The following APPBP2 variants were observed in gnomAD, a reference collection of about 807,000 sequenced individuals.
APPBP2 encodes amyloid protein-binding protein 2.
Under a neutral mutation model 76.0 loss-of-function variants are expected in APPBP2, and 15 were observed. The observed-to-expected ratio is 0.20, with a 90% CI of 0.13 to 0.30. The LOEUF (loss-of-function observed/expected upper bound fraction) is 0.30, where lower values mean the gene tolerates loss of function less well. APPBP2 is among the 10% of genes least tolerant of loss of function. The probability of loss-of-function intolerance (pLI) is 1.00; values close to 1 mark genes in which losing one functional copy is unlikely to be tolerated. For synonymous variants in APPBP2, 222 were observed against 242.2 expected, an observed-to-expected ratio of 0.92 and a Z score of 0.77; for missense variants, 401 against 687.2, an observed-to-expected ratio of 0.58 and a Z score of 4.66.
chr17:60,461,629 T>A (rs1325113456), intron 8 of APPBP2, 181 bp downstream of exon 8: 4 of 478,476 alleles, frequency 8.4e-6, no homozygotes, highest in African/African-American at 8.0e-5. Context: ...TTTTCTTTAA[T>A]TCCCAAAGCA....
chr17:60,477,334 A>G (rs1013191294), intron 4 of APPBP2: 1 of 152,234 alleles, frequency 6.6e-6, no homozygotes, highest in Non-Finnish European at 1.5e-5. Context: ...TAAAAAAATA[A>G]AGCACATACA....
At chr17:60,492,370 GCCACTGTGCT>G (rs1244007024) in intron 3 of APPBP2, among the ~76,000 whole-genome samples, 7 of 152,192 alleles carry the variant, frequency 4.6e-5, no homozygotes, top group Admixed American at 1.3e-4. Context: ...TGAGAAGAGG[GCCACTGTGCT>G]CCAGACCACA....
intron 4 of APPBP2, among the ~76,000 whole-genome samples, chr17:60,471,133 T>C (rs2046232551): frequency 6.6e-6 from 1 of 152,102 alleles, no homozygotes; most frequent in Admixed American, 6.6e-5. Flanking sequence ...TTGTAGTTCT[T>C]GATATATTCT....
chr17:60,511,518 G>A (rs2090912851), intron 1 of APPBP2, among the ~76,000 whole-genome samples: 1 of 151,292 alleles, frequency 6.6e-6, no homozygotes, highest in South Asian at 2.1e-4. Context: ...TCGGAAGGCA[G>A]AGGTTGCGGT....
At chr17:60,515,242 A>G (rs900667293) in intron 1 of APPBP2, among the ~76,000 whole-genome samples, 1 of 151,334 alleles carries the variant, frequency 6.6e-6, no homozygotes, top group Non-Finnish European at 1.5e-5. Context: ...CAGCCTTTCA[A>G]GTAGCTGGGA....
At chr17:60,458,517 TAAC>T (rs1167848994) in intron 9 of APPBP2, among the ~76,000 whole-genome samples, 5 of 152,168 alleles carry the variant, frequency 3.3e-5, no homozygotes, top group Non-Finnish European at 5.9e-5. Flanking sequence ...ATATTAGAGT[TAAC>T]AAAGTTTTTC....
intron 5 of APPBP2, among the ~76,000 whole-genome samples, chr17:60,464,412 A>G (rs2090496337): frequency 1.3e-5 from 2 of 152,186 alleles, no homozygotes; most frequent in African/African-American, 4.8e-5. Context: ...CTGCCTTAAA[A>G]TACATTCCCC....
At chr17:60,459,457 G>A (rs1306064416) in intron 9 of APPBP2, 1 of 147,206 alleles carries the variant, frequency 6.8e-6, no homozygotes, top group Admixed American at 6.8e-5. Context: ...TTAGATAGAT[G>A]TCCACCTGTC....
intron 11 of APPBP2, among the ~76,000 whole-genome samples, chr17:60,452,687 G>A (rs1365128737): frequency 1.3e-5 from 2 of 152,150 alleles, no homozygotes; most frequent in African/African-American, 2.4e-5. Flanking sequence ...TTGGGAGGTC[G>A]AGGCAGGCAG....
At chr17:60,450,405 T>C (rs139123964) in intron 12 of APPBP2, among the ~76,000 whole-genome samples, 1 of 149,722 alleles carries the variant, frequency 6.7e-6, no homozygotes, top group African/African-American at 2.5e-5. Context: ...GCCACTGCAC[T>C]CTAGCCTGGG....
chr17:60,507,247 A>T (rs1183013243), intron 1 of APPBP2, among the ~76,000 whole-genome samples: 5 of 150,140 alleles, frequency 3.3e-5, no homozygotes, highest in Non-Finnish European at 7.4e-5. Flanking sequence ...TTTGAGACAG[A>T]GTCTCATTCC....
intron 3 of APPBP2, among the ~76,000 whole-genome samples, chr17:60,482,632 T>C (rs1338093436): frequency 6.6e-6 from 1 of 152,292 alleles, no homozygotes; most frequent in Admixed American, 6.5e-5. Context: ...CCCTGCCCTG[T>C]GTCCAAGTGT....
chr17:60,525,701 T>G, intron 1 of APPBP2, 93 bp downstream of exon 1: 2 of 1,566,744 alleles, frequency 1.3e-6, no homozygotes, highest in Non-Finnish European at 1.7e-6. Flanking sequence ...CCGGAAGGGG[T>G]GAGGGGTTAA....
chr17:60,487,626 C>T lies in APPBP2; in HGVS notation c.379+6840G>A, dbSNP rs932729811. ...TTTTTCAAGGTTTTTAGCTTCCTTGCGATGGGTTCGAACATCCTCCTTTAG... is the reference window on the plus strand; with the variant it reads ...TTTTTCAAGGTTTTTAGCTTCCTTGTGATGGGTTCGAACATCCTCCTTTAG... On this transcript the variant is annotated intron_variant, in intron 3 of 12. Coordinates refer to ENST00000083182, the MANE Select transcript of APPBP2 (RefSeq NM_006380.5). Among the ~76,000 whole-genome samples, 12 of 152,282 alleles carry T rather than the reference C, an allele frequency of 7.9e-5. No homozygotes were observed. In the South Asian group the frequency reaches 1.5e-3, roughly 18 times the overall value.
Position 60,443,563 on chromosome 17 carries a change from AGAACT to A in APPBP2, c.*4013_*4017del, listed in dbSNP as rs1353608184. 1 of 152,670 alleles carries A rather than the reference AGAACT, an allele frequency of 6.6e-6. No individual in the cohort carries two copies. Among genetic ancestry groups the A allele is most frequent in the Admixed American group, 6.5e-5 (1 of 15,282 alleles). 9.5% of individuals were successfully genotyped at this position (152,670 alleles called of 1,614,324 possible). A position where few individuals can be genotyped will look rare whatever the true frequency, so the allele number is the denominator to read the frequency against. ...TAGCATTCATTCACATCATAAAAGT[AGAACT>A]GAAAAGTTTTAGTTACCATGGCAAA... On this transcript the variant is annotated 3_prime_UTR_variant, in exon 13 of 13. Transcript: ENST00000083182.
chr17:60,510,208 GC>G (rs2090900749), intron 1 of APPBP2, among the ~76,000 whole-genome samples: 3 of 151,936 alleles, frequency 2.0e-5, no homozygotes, highest in African/African-American at 7.3e-5. Flanking sequence ...TTTGAGACCA[GC>G]CGGGGCAATG....
chr17:60,514,725 G>A (rs2090948770), intron 1 of APPBP2, among the ~76,000 whole-genome samples: 1 of 152,168 alleles, frequency 6.6e-6, no homozygotes, highest in South Asian at 2.1e-4. Context: ...TCTTTAAATT[G>A]TATTGTTGGT....
rs2090407916 is a variant in APPBP2 at position 60,453,210 on chromosome 17, G to A, written c.1338+1092C>T. On this transcript the variant is annotated intron_variant, in intron 11 of 12. Coordinates refer to ENST00000083182, the MANE Select transcript of APPBP2 (RefSeq NM_006380.5). ...CTTTCATATATTAATCTTTTTTTTT[G>A]AGATGAGTCTCACTCTGTTATCCAA... 2.0e-5 allele frequency among the ~76,000 whole-genome samples: 3 copies of A among 149,168 alleles called. No individual in the cohort carries two copies. The South Asian group carries it at 6.3e-4, about 31-fold the overall frequency.
chr17:60,501,031 A>T (rs1475361134), intron 1 of APPBP2, among the ~76,000 whole-genome samples: 1 of 152,198 alleles, frequency 6.6e-6, no homozygotes, highest in Non-Finnish European at 1.5e-5. Flanking sequence ...ATAACATTTT[A>T]AGGCTGGGCG....
Sources: allele counts gnomAD v4.1 joint callset (sites outside exome capture counted in the v4.1 genomes callset), GRCh38; gene constraint gnomAD v4.1.1; transcripts MANE v1.5; gene names NCBI Gene and HGNC (gene_info 2026-07-23, HGNC 2026-07-21).